AFF4: variants seen among roughly 807,000 people sequenced by gnomAD.
The protein encoded by AFF4 is AF4/FMR2 family member 4.
Under a neutral mutation model 124.8 loss-of-function variants are expected in AFF4, and 13 were observed. The ratio of observed to expected loss-of-function variants is 0.10; its 90% CI spans 0.07 to 0.17. The LOEUF is 0.17. AFF4 is among the 10% of genes least tolerant of loss of function. The probability of loss-of-function intolerance (pLI) is 1.00; values close to 1 mark genes in which losing one functional copy is unlikely to be tolerated. For missense variants in AFF4, 1,092 were observed against 1,403.8 expected (o/e 0.78, Z 3.55); for synonymous variants, 477 against 496.1 (o/e 0.96, Z 0.51).
At chr5:132,962,226 C>A (rs1413053828) in intron 1 of AFF4, among the ~76,000 whole-genome samples, 4 of 152,218 alleles carry the variant, frequency 2.6e-5, no homozygotes, top group African/African-American at 9.6e-5. Context: ...CGAAGCTTTG[C>A]GCTTTTCATA....
intron 5 of AFF4, among the ~76,000 whole-genome samples, chr5:132,918,205 C>T (rs934494079): frequency 2.6e-5 from 4 of 151,458 alleles, no homozygotes; most frequent in Non-Finnish European, 5.9e-5. Flanking sequence ...CTATCCTGGC[C>T]AACATGGTGA....
chr5:132,882,418 G>T (rs1247795895), intron 20 of AFF4, among the ~76,000 whole-genome samples: 1 of 152,100 alleles, frequency 6.6e-6, no homozygotes, highest in African/African-American at 2.4e-5. Flanking sequence ...GCACATATTT[G>T]CTAATAACAT....
intron 1 of AFF4, among the ~76,000 whole-genome samples, chr5:132,959,550 C>G (rs1230542117): frequency 6.6e-6 from 1 of 152,112 alleles, no homozygotes; most frequent in African/African-American, 2.4e-5. Context: ...TTTGGAGGTT[C>G]TAATATTTTC....
intron 5 of AFF4, among the ~76,000 whole-genome samples, chr5:132,909,742 A>G (rs1760751651): frequency 6.6e-6 from 1 of 152,210 alleles, no homozygotes; most frequent in Non-Finnish European, 1.5e-5. Context: ...AGTTCCAGAC[A>G]TTTCTGGCTT....
At chr5:132,907,506 G>A (rs139584949) in intron 5 of AFF4, among the ~76,000 whole-genome samples, 5 of 152,208 alleles carry the variant, frequency 3.3e-5, no homozygotes, top group Non-Finnish European at 7.4e-5. Context: ...AAGTACTCAC[G>A]CAAATCAAAG....
At chr5:132,955,650 C>A (rs1197732136) in intron 1 of AFF4, among the ~76,000 whole-genome samples, 1 of 151,164 alleles carries the variant, frequency 6.6e-6, no homozygotes, top group Non-Finnish European at 1.5e-5. Flanking sequence ...TGGTGGCGGG[C>A]GCCTGTAATC....
intron 7 of AFF4, among the ~76,000 whole-genome samples, chr5:132,900,669 G>C (rs10491277): frequency 0.12 from 17,516 of 152,174 alleles, 1,275 homozygotes; most frequent in South Asian, 0.2. Flanking sequence ...GACAGTTTCT[G>C]GAATTTGTTT....
chr5:132,932,947 T>C (rs1761333980), intron 3 of AFF4, among the ~76,000 whole-genome samples: 1 of 152,050 alleles, frequency 6.6e-6, no homozygotes. Context: ...TCAAAATGAG[T>C]TTCCCAAGGC....
intron 19 of AFF4, 145 bp downstream of exon 19, chr5:132,884,930 GA>G: frequency 1.8e-6 from 1 of 551,048 alleles, no homozygotes; most frequent in Non-Finnish European, 3.2e-6. Context: ...AAAATACAGA[GA>G]AAAAATTATA....
At chr5:132,950,198 G>C (rs561687900) in intron 1 of AFF4, among the ~76,000 whole-genome samples, 2 of 152,062 alleles carry the variant, frequency 1.3e-5, no homozygotes, top group Non-Finnish European at 2.9e-5. Flanking sequence ...GTGCCTGGCC[G>C]GGCGCGATGG....
chr5:132,884,953 T>G, intron 19 of AFF4, 123 bp downstream of exon 19: 1 of 606,162 alleles, frequency 1.6e-6, no homozygotes, highest in Non-Finnish European at 2.8e-6. Flanking sequence ...CTTCTAAAAA[T>G]ATTTTATCAG....
intron 1 of AFF4, among the ~76,000 whole-genome samples, chr5:132,953,083 TG>T (rs1010446327): frequency 1.3e-5 from 2 of 151,868 alleles, no homozygotes; most frequent in African/African-American, 4.8e-5. Flanking sequence ...CTCAGCACTT[TG>T]GGAGGGCAAG....
chr5:132,919,452 A>AT (rs1272199525), intron 5 of AFF4, among the ~76,000 whole-genome samples: 5 of 152,252 alleles, frequency 3.3e-5, no homozygotes, highest in Non-Finnish European at 5.9e-5. Flanking sequence ...CTAATTGGAT[A>AT]TGTACATACA....
chr5:132,930,658 AT>A lies in AFF4; in HGVS notation c.963+1519del, dbSNP rs767543882. Among the ~76,000 whole-genome samples the A allele has an allele frequency of 3.9e-5, 6 of 151,972 alleles. 1 individual carries two copies. The highest frequency in any genetic ancestry group is 5.9e-5 in the Non-Finnish European group (4 of 67,938). On this transcript the variant is annotated intron_variant, in intron 4 of 20. Transcript: ENST00000265343. ...CAAATTCAGGAGCTCACAAAAAAAAATAAAAAAGAAAATACAAGTAATATGT... is the reference window on the plus strand; with the variant it reads ...CAAATTCAGGAGCTCACAAAAAAAAAAAAAAAGAAAATACAAGTAATATGT...
intron 1 of AFF4, chr5:132,948,481 C>G (rs1761752403): frequency 6.5e-6 from 1 of 152,768 alleles, no homozygotes; most frequent in Non-Finnish European, 1.5e-5. Flanking sequence ...GCTCCAGCAG[C>G]AAACACAGCG....
chr5:132,926,442 A>G (rs1761172558), intron 5 of AFF4, among the ~76,000 whole-genome samples: 1 of 152,088 alleles, frequency 6.6e-6, no homozygotes, highest in Non-Finnish European at 1.5e-5. Context: ...TATGGTTGCT[A>G]TGTCTTATGG....
chr5:132,892,762 A>G (rs1478348866), intron 12 of AFF4, among the ~76,000 whole-genome samples: 1 of 152,100 alleles, frequency 6.6e-6, no homozygotes, highest in Non-Finnish European at 1.5e-5. Flanking sequence ...CTAACCAGAA[A>G]GTGGCATAGC....
chr5:132,918,526 A>G (rs1374696707), intron 5 of AFF4, among the ~76,000 whole-genome samples: 3 of 151,686 alleles, frequency 2.0e-5, no homozygotes, highest in African/African-American at 2.4e-5. Context: ...ACTGGGCATC[A>G]TGGTGGGCGC....
chr5:132,928,242 A>C (rs868245766), intron 4 of AFF4, among the ~76,000 whole-genome samples: 4 of 152,072 alleles, frequency 2.6e-5, no homozygotes, highest in Non-Finnish European at 5.9e-5. Context: ...AACAAACAAA[A>C]AAAAACCCAA....
Sources: allele counts gnomAD v4.1 joint callset (sites outside exome capture counted in the v4.1 genomes callset), GRCh38; gene constraint gnomAD v4.1.1; transcripts MANE v1.5; gene names NCBI Gene and HGNC (gene_info 2026-07-23, HGNC 2026-07-21).